The following ZBTB43 variants were observed in gnomAD, a reference collection of about 807,000 sequenced individuals.
ZBTB43 encodes the protein zinc finger and BTB domain containing 43, also known as zinc finger and BTB domain-containing protein 43.
A neutral mutation model predicts 31.1 loss-of-function variants in ZBTB43; 6 were observed. That is an observed-to-expected ratio of 0.19 (90% CI 0.11 to 0.38). The LOEUF is 0.38. Among genes scored for constraint, ZBTB43 ranks in the 10% least tolerant of loss-of-function variants. The pLI is 1.00. For synonymous variants in ZBTB43, 212 were observed against 221.7 expected (o/e 0.96, Z 0.39); for missense variants, 379 against 602.1 (o/e 0.63, Z 3.88).
chr9:126,809,032 A>T (rs577292353), intron 2 of ZBTB43, 117 bp downstream of exon 2: 2 of 152,310 alleles, frequency 1.3e-5, no homozygotes, highest in Non-Finnish European at 2.9e-5. Flanking sequence ...AGACCAGAAG[A>T]TTCTTTCTTC....
intron 2 of ZBTB43, among the ~76,000 whole-genome samples, chr9:126,828,496 T>C (rs2032694304): frequency 6.6e-6 from 1 of 150,792 alleles, no homozygotes; most frequent in South Asian, 2.1e-4. Flanking sequence ...ATTTTTATTT[T>C]CAAAAATAAT....
chr9:126,814,295 A>T (rs2032316020), intron 2 of ZBTB43, among the ~76,000 whole-genome samples: 1 of 151,054 alleles, frequency 6.6e-6, no homozygotes, highest in African/African-American at 2.4e-5. Context: ...ACATCTGTAA[A>T]ATTTTTACAG....
rs1356143475 is a variant in ZBTB43 at position 126,838,119 on chromosome 9, A to T, written c.*4206A>T. On this transcript the variant is annotated 3_prime_UTR_variant, in exon 3 of 3. Coordinates refer to ENST00000373464, the MANE Select transcript of ZBTB43 (RefSeq NM_014007.4). ...TGTACAGCATGGTTTTACTTAATTG[A>T]ATGTTAATGTTTAATATTTTCTTCT... The T allele has an allele frequency of 3.0e-5, 5 of 166,556 alleles. No homozygotes were observed. In the Admixed American group the frequency reaches 3.3e-4, roughly 11 times the overall value. The allele number at this position is 166,556 out of a possible 1,614,324, so 10.3% of individuals were successfully genotyped here.
chr9:126,812,169 T>TA (rs2032265784), intron 2 of ZBTB43, among the ~76,000 whole-genome samples: 2 of 152,178 alleles, frequency 1.3e-5, no homozygotes, highest in Non-Finnish European at 2.9e-5. Flanking sequence ...TCATACAAGA[T>TA]ACGGCCTTTT....
rs2032908581 is a variant in ZBTB43, at chr9:126,837,559, G to A, written c.*3646G>A. 2.4e-5 allele frequency: 4 copies of A among 167,250 alleles called. No homozygotes were observed. 10.4% of individuals were successfully genotyped at this position (167,250 alleles called of 1,614,324 possible). Reference sequence around the variant, plus strand: ...GCGGCCTCCTGGGTGGGCGTGGAGAGGGCGCCATCACAACGAGTCCAGGTT... The same window carrying A: ...GCGGCCTCCTGGGTGGGCGTGGAGAAGGCGCCATCACAACGAGTCCAGGTT... On this transcript the variant is annotated 3_prime_UTR_variant, in exon 3 of 3. Transcript: ENST00000373464.
rs1295267176 is a variant in ZBTB43, at chr9:126,828,653, TA to T, written c.-23-3832del. 7.3e-3 allele frequency among the ~76,000 whole-genome samples: 1,037 copies of T among 141,996 alleles called. 11 individuals are homozygous for T. Among genetic ancestry groups the T allele is most frequent in the African/African-American group, 0.025 (953 of 37,662 alleles). 93.2% of individuals were successfully genotyped at this position (141,996 alleles called of 152,430 possible). A position where few individuals can be genotyped will look rare whatever the true frequency, so the allele number is the denominator to read the frequency against. ...TAAATAATAATAATAATAATAATAATAATTATTATTATTATTATTATTATTT... is the reference window on the plus strand; with the variant it reads ...TAAATAATAATAATAATAATAATAATATTATTATTATTATTATTATTATTT... On this transcript the variant is annotated intron_variant, in intron 2 of 2. Transcript: ENST00000373464.
chr9:126,811,370 T>A (rs1032091145), intron 2 of ZBTB43, among the ~76,000 whole-genome samples: 1 of 152,172 alleles, frequency 6.6e-6, no homozygotes, highest in Non-Finnish European at 1.5e-5. Flanking sequence ...TTTGTCTATC[T>A]CCAATTCTGT....
Position 126,836,571 on chromosome 9 carries a change from T to C in ZBTB43, c.*2658T>C, listed in dbSNP as rs927436613. The C allele has an allele frequency of 6.0e-6, 1 of 167,166 alleles. No individual in the cohort carries two copies. The highest frequency in any genetic ancestry group is 2.4e-5 in the African/African-American group (1 of 41,554). 10.4% of individuals were successfully genotyped at this position (167,166 alleles called of 1,614,324 possible). A position where few individuals can be genotyped will look rare whatever the true frequency, so the allele number is the denominator to read the frequency against. ...TGTAAACTCTGGTTTTTACCTTTTT[T>C]TCATCCCCACGTTGAGTTGGAGGAA... On this transcript the variant is annotated 3_prime_UTR_variant, in exon 3 of 3. Coordinates refer to ENST00000373464, the MANE Select transcript of ZBTB43 (RefSeq NM_014007.4).
chr9:126,835,030 A>G lies in ZBTB43; in HGVS notation c.*1117A>G, dbSNP rs2119176083. Reference sequence around the variant, plus strand: ...AAACTGCCCAAGAAGAATCTTGAGAATACACTCTTTCAAGGTGGGGGAGAT... The same window carrying G: ...AAACTGCCCAAGAAGAATCTTGAGAGTACACTCTTTCAAGGTGGGGGAGAT... On this transcript the variant is annotated 3_prime_UTR_variant, in exon 3 of 3. Transcript: ENST00000373464. 1 of 167,090 alleles carries G rather than the reference A, an allele frequency of 6.0e-6. No homozygotes were observed. Among genetic ancestry groups the G allele is most frequent in the Middle Eastern group, 3.4e-3 (1 of 294 alleles). The allele number at this position is 167,090 out of a possible 1,614,324, so 10.4% of individuals were successfully genotyped here. A position where few individuals can be genotyped will look rare whatever the true frequency, so the allele number is the denominator to read the frequency against.
chr9:126,827,747 C>T (rs765385875), intron 2 of ZBTB43, among the ~76,000 whole-genome samples: 1 of 152,196 alleles, frequency 6.6e-6, no homozygotes, highest in African/African-American at 2.4e-5. Context: ...GTGGCTCACG[C>T]CTGTAATCCC....
intron 2 of ZBTB43, among the ~76,000 whole-genome samples, chr9:126,810,426 A>G (rs1158350008): frequency 6.8e-6 from 1 of 147,228 alleles, no homozygotes; most frequent in Non-Finnish European, 1.5e-5. Context: ...ACTCCTGACC[A>G]CAGGTGATCC....
intron 2 of ZBTB43, among the ~76,000 whole-genome samples, chr9:126,818,537 G>A (rs888819918): frequency 1.2e-4 from 18 of 152,220 alleles, no homozygotes; most frequent in African/African-American, 3.6e-4. Context: ...GAGCCACCAC[G>A]CCTAGCTTCT....
chr9:126,830,295 C>T (rs1025706877), intron 2 of ZBTB43, among the ~76,000 whole-genome samples: 3 of 152,212 alleles, frequency 2.0e-5, no homozygotes, highest in African/African-American at 7.2e-5. Context: ...CTCTCCCTAT[C>T]CCTCGAAGAT....
rs931639606 is a variant in ZBTB43, at chr9:126,806,204, C to G, written c.-147+1072C>G. Among the ~76,000 whole-genome samples, 4 of 152,180 alleles carry G rather than the reference C, an allele frequency of 2.6e-5. No individual in the cohort carries two copies. In the East Asian group the frequency reaches 7.7e-4, roughly 29 times the overall value. On this transcript the variant is annotated intron_variant, in intron 1 of 2. Transcript: ENST00000373464. ...AGTTACAGCTGTTTAACAGGCCTGTCTACAGGCTAAGAAAGGATCAGACTG... is the reference window on the plus strand; with the variant it reads ...AGTTACAGCTGTTTAACAGGCCTGTGTACAGGCTAAGAAAGGATCAGACTG...
intron 2 of ZBTB43, among the ~76,000 whole-genome samples, chr9:126,827,038 A>T (rs2032657088): frequency 6.6e-6 from 1 of 152,182 alleles, no homozygotes. Flanking sequence ...TGGAAATCAG[A>T]TTCTACGCCT....
rs1347999033 is a variant in ZBTB43 at position 126,833,091 on chromosome 9, C to T, written c.582C>T (p.Tyr194=). The change falls in exon 3 of 3, where the codon TAC becomes TAT. Residue 194 remains tyrosine (Y), a synonymous_variant. Transcript: ENST00000373464. The surrounding 1 kb of genome is among the most constrained non-coding windows in gnomAD (Gnocchi z 7.9). ...ELSSQLTEHE[Y]LPSNSSTEHD... ...CATCCCAGCTCACCGAGCACGAATACCTGCCCAGCAACTCGTCCACAGAGC... is the reference window on the plus strand; with the variant it reads ...CATCCCAGCTCACCGAGCACGAATATCTGCCCAGCAACTCGTCCACAGAGC... The T allele has an allele frequency of 1.2e-6, 2 of 1,614,088 alleles. No homozygotes were observed. The highest frequency in any genetic ancestry group is 2.2e-5 in the South Asian group (2 of 91,084).
chr9:126,814,531 C>G (rs1013750062), intron 2 of ZBTB43, among the ~76,000 whole-genome samples: 1 of 151,788 alleles, frequency 6.6e-6, no homozygotes, highest in East Asian at 1.9e-4. Context: ...CGGTGGCTTA[C>G]GCCTGTAATC....
At chr9:126,829,422 A>C (rs908360539) in intron 2 of ZBTB43, among the ~76,000 whole-genome samples, 1 of 152,248 alleles carries the variant, frequency 6.6e-6, no homozygotes, top group Non-Finnish European at 1.5e-5. Context: ...AACTGCTTAC[A>C]TTACGATACA....
At chr9:126,824,227 T>C (rs2032580614) in intron 2 of ZBTB43, among the ~76,000 whole-genome samples, 1 of 152,186 alleles carries the variant, frequency 6.6e-6, no homozygotes, top group African/African-American at 2.4e-5. Flanking sequence ...GGGTTTCACT[T>C]TGTTGACCAG....
Sources: gnomAD v4.1 joint callset for allele counts (sites outside exome capture counted in the v4.1 genomes callset) on GRCh38, gnomAD v4.1.1 for gene constraint, Gnocchi (gnomAD v3.1) non-coding constraint, MANE v1.5 for transcripts, NCBI Gene and HGNC (gene_info 2026-07-23, HGNC 2026-07-21) for gene names.